RYR2: variants seen among roughly 807,000 people sequenced by gnomAD.
RYR2 encodes the protein ryanodine receptor 2, also known as cardiac muscle ryanodine receptor-calcium release channel.
RYR2 carries 227 observed loss-of-function variants against 601.1 expected under a neutral mutation model. That is an observed-to-expected ratio of 0.38 (90% confidence interval 0.34 to 0.42). The LOEUF is 0.42. Among genes scored for constraint, RYR2 ranks in the 10% least tolerant of loss-of-function variants. RYR2 has a pLI of 1.00. For missense variants in RYR2, 4,646 were observed against 6,156.5 expected, an observed-to-expected ratio of 0.75 and a Z score of 8.21; for synonymous variants, 2,223 against 2,175.1, an observed-to-expected ratio of 1.02 and a Z score of -0.61.
chr1:237,618,616 T>C (rs1447988303), intron 38 of RYR2, among the ~76,000 whole-genome samples: 1 of 152,096 alleles, frequency 6.6e-6, no homozygotes, highest in Non-Finnish European at 1.5e-5. Flanking sequence ...TCTTTCTAGA[T>C]AAAGGATCAG....
intron 1 of RYR2, among the ~76,000 whole-genome samples, chr1:237,202,485 G>A (rs1177592244): frequency 6.6e-6 from 1 of 152,058 alleles, no homozygotes; most frequent in Non-Finnish European, 1.5e-5. Context: ...TCAGCTCACT[G>A]CAACCTCCAC....
chr1:237,272,890 A>G (rs1689844888), intron 2 of RYR2, among the ~76,000 whole-genome samples: 1 of 152,062 alleles, frequency 6.6e-6, no homozygotes, highest in Admixed American at 6.6e-5. Context: ...ACTGCATGAG[A>G]AGGGACACCA....
intron 16 of RYR2, 77 bp downstream of exon 16, chr1:237,456,812 C>A: frequency 6.9e-7 from 1 of 1,456,584 alleles, no homozygotes; most frequent in Non-Finnish European, 9.2e-7. Flanking sequence ...TGTGATGGCT[C>A]ATGCCTGTAA....
intron 2 of RYR2, among the ~76,000 whole-genome samples, chr1:237,271,518 G>A (rs2149350102): frequency 6.6e-6 from 1 of 152,158 alleles, no homozygotes; most frequent in South Asian, 2.1e-4. Flanking sequence ...TAGAAGTTGA[G>A]GTTTTGCTTT....
chr1:237,547,328 A>G (rs1039319632), intron 25 of RYR2, among the ~76,000 whole-genome samples: 1 of 152,138 alleles, frequency 6.6e-6, no homozygotes, highest in Non-Finnish European at 1.5e-5. Context: ...TATTTTTAAA[A>G]GCATTTTCTC....
chr1:237,827,009 GT>G (rs1279869795), intron 101 of RYR2, among the ~76,000 whole-genome samples: 1 of 152,140 alleles, frequency 6.6e-6, no homozygotes, highest in Non-Finnish European at 1.5e-5. Flanking sequence ...TCTCAGAAAA[GT>G]CATGTTATCT....
At chr1:237,194,729 A>T (rs1388666637) in intron 1 of RYR2, among the ~76,000 whole-genome samples, 1 of 152,210 alleles carries the variant, frequency 6.6e-6, no homozygotes, top group East Asian at 1.9e-4. Context: ...ATGACAAAGC[A>T]TCTTTGCTTC....
intron 6 of RYR2, among the ~76,000 whole-genome samples, chr1:237,374,359 GA>G (rs1219699684): frequency 0.024 from 3,332 of 140,498 alleles, 99 homozygotes; most frequent in African/African-American, 0.07. Context: ...CATCTCTATG[GA>G]AAAAAAAAAA....
chr1:237,650,096 G>C lies in RYR2; in HGVS notation c.7732G>C (p.Gly2578Arg). 1 of 1,612,142 alleles carries C rather than the reference G, an allele frequency of 6.2e-7. No homozygotes were observed. Among genetic ancestry groups the C allele is most frequent in the East Asian group, 2.2e-5 (1 of 44,876 alleles). ...AGAAGTTTGTTTACTCTCTATTTGTGGGTGAGTGGATAACAAATTCTATTC... is the reference window on the plus strand; with the variant it reads ...AGAAGTTTGTTTACTCTCTATTTGTCGGTGAGTGGATAACAAATTCTATTC... ...SIEVCLLSIC[G>R]QLRPSMMQHL... is the part of the protein sequence containing the mutation. Residue 2578 changes from glycine to arginine, a missense_variant and splice_region_variant, in exon 50 of 105, where the codon GGA (glycine) becomes CGA (arginine). Physicochemically the swap from Gly to Arg is moderately radical, Grantham distance 125 (BLOSUM62 -2). Transcript: ENST00000366574.
chr1:237,336,699 A>G (rs985422354), intron 3 of RYR2, among the ~76,000 whole-genome samples: 1 of 151,316 alleles, frequency 6.6e-6, no homozygotes, highest in Non-Finnish European at 1.5e-5. Flanking sequence ...CTTATGAAAA[A>G]TACAAAAATT....
chr1:237,725,467 AT>A (rs1362239763), intron 74 of RYR2, among the ~76,000 whole-genome samples: 1 of 152,078 alleles, frequency 6.6e-6, no homozygotes, highest in Non-Finnish European at 1.5e-5. Context: ...TGTTGATTTA[AT>A]TTATCTCAAG....
In RYR2 at chr1:237,441,448, G is replaced by T. The variant is rs199693714; in HGVS notation, c.1135G>T (p.Val379Leu). 6.3e-7 allele frequency: 1 copy of T among 1,598,204 alleles called. No individual in the cohort carries two copies. The highest frequency in any genetic ancestry group is 1.1e-5 in the South Asian group (1 of 87,738). The change falls in exon 13 of 105, where the codon GTG becomes TTG. Residue 379 changes from valine to leucine, a missense_variant. Physicochemically the swap from Val to Leu is conservative, Grantham distance 32. Around this residue, in one of 17 missense-constraint regions of RYR2, gnomAD observed 1,807 missense variants for 2,088.1 expected, o/e 0.87. Transcript: ENST00000366574. ...GLWLTYQSVD[V>L]KSVRMGSIQR... is the part of the protein sequence containing the mutation. ...ATGGCTTACTTACCAGTCTGTGGAC[G>T]TGAAATCCGTGAGAATGGGATCTAT...
chr1:237,289,544 AC>A, intron 2 of RYR2, among the ~76,000 whole-genome samples: 1 of 152,162 alleles, frequency 6.6e-6, no homozygotes, highest in East Asian at 1.9e-4. Context: ...AAGGACCTTA[AC>A]AAATCATCAG....
At chr1:237,168,854 T>G (rs1199820063) in intron 1 of RYR2, among the ~76,000 whole-genome samples, 1 of 152,196 alleles carries the variant, frequency 6.6e-6, no homozygotes, top group Non-Finnish European at 1.5e-5. Context: ...TTAAATATAC[T>G]AGGAATATTT....
intron 13 of RYR2, among the ~76,000 whole-genome samples, chr1:237,442,328 C>A (rs1229585568): frequency 1.3e-5 from 2 of 152,012 alleles, no homozygotes; most frequent in African/African-American, 4.8e-5. Flanking sequence ...TAATATTTTA[C>A]TTATAAAAAT....
chr1:237,670,070 T>C (rs939381253), intron 58 of RYR2, among the ~76,000 whole-genome samples: 7 of 152,172 alleles, frequency 4.6e-5, no homozygotes, highest in South Asian at 4.2e-4. Context: ...GCGGATCACT[T>C]GCGGTTAGGG....
chr1:237,379,890 T>G (rs1160414249), intron 8 of RYR2, among the ~76,000 whole-genome samples: 1 of 152,198 alleles, frequency 6.6e-6, no homozygotes, highest in Non-Finnish European at 1.5e-5. Context: ...CATTTGATAA[T>G]GAAGTCGTTG....
chr1:237,330,047 A>T (rs1389847991), intron 2 of RYR2, among the ~76,000 whole-genome samples: 1 of 152,216 alleles, frequency 6.6e-6, no homozygotes, highest in Non-Finnish European at 1.5e-5. Context: ...ATATTTGCTT[A>T]TCTTTAATAT....
chr1:237,455,521 C>T (rs994656810), intron 15 of RYR2, among the ~76,000 whole-genome samples: 1 of 151,918 alleles, frequency 6.6e-6, no homozygotes, highest in Non-Finnish European at 1.5e-5. Flanking sequence ...CCCAGTGACA[C>T]GCAATATACC....
Sources: allele counts gnomAD v4.1 joint callset (sites outside exome capture counted in the v4.1 genomes callset), GRCh38; gene constraint gnomAD v4.1.1; regional missense constraint gnomAD v4.1.1; transcripts MANE v1.5; gene names NCBI Gene and HGNC (gene_info 2026-07-23, HGNC 2026-07-21).